DNA2: variants seen among roughly 807,000 people sequenced by gnomAD.
DNA2 encodes the protein DNA replication helicase/nuclease 2, also known as DNA replication ATP-dependent helicase/nuclease DNA2.
Under a neutral mutation model 119.1 loss-of-function variants are expected in DNA2, and 101 were observed. The ratio of observed to expected loss-of-function variants is 0.85; its 90% confidence interval spans 0.72 to 1.00. DNA2 has a LOEUF of 1.00. Ranked by LOEUF, DNA2 falls within the 50% of genes least tolerant of loss-of-function variation. The probability of loss-of-function intolerance (pLI) is 0.00; values close to 1 mark genes in which losing one functional copy is unlikely to be tolerated. For synonymous variants in DNA2, 366 were observed against 424.4 expected (o/e 0.86, Z 1.69); for missense variants, 1,121 against 1,255.5 (o/e 0.89, Z 1.62).
chr10:68,422,167 G>A (rs1280464516), intron 17 of DNA2, 58 bp downstream of exon 17: 5 of 1,371,736 alleles, frequency 3.6e-6, no homozygotes, highest in Non-Finnish European at 4.9e-6. Flanking sequence ...AATGAAAACT[G>A]AGAAATTTAA....
chr10:68,438,258 G>C (rs577694315), intron 9 of DNA2, among the ~76,000 whole-genome samples: 1 of 152,116 alleles, frequency 6.6e-6, no homozygotes, highest in Non-Finnish European at 1.5e-5. Context: ...GGTGGCTCAC[G>C]CCTGTAACCC....
chr10:68,423,446 G>T (rs2051693397), intron 14 of DNA2, among the ~76,000 whole-genome samples: 1 of 152,162 alleles, frequency 6.6e-6, no homozygotes, highest in African/African-American at 2.4e-5. Flanking sequence ...ACACCAGTGG[G>T]TGCTAAAAAC....
chr10:68,464,553 G>T (rs10998202), intron 4 of DNA2, among the ~76,000 whole-genome samples: 22,744 of 151,744 alleles, frequency 0.15, 1,857 homozygotes, highest in East Asian at 0.25. Context: ...GGTAAGGTAG[G>T]CCGGGCGCAG....
At chr10:68,423,298 A>C (rs2051691549) in intron 14 of DNA2, among the ~76,000 whole-genome samples, 3 of 150,606 alleles carry the variant, frequency 2.0e-5, no homozygotes, top group South Asian at 4.2e-4. Context: ...AAAAAAAAAA[A>C]CAAAAGAAGA....
At chr10:68,423,337 G>T (rs978022953) in intron 14 of DNA2, among the ~76,000 whole-genome samples, 1 of 151,764 alleles carries the variant, frequency 6.6e-6, no homozygotes, top group Non-Finnish European at 1.5e-5. Context: ...AGGCAGACCA[G>T]CTAGGGAGCT....
At chr10:68,457,295 T>C (rs10998194) in intron 5 of DNA2, among the ~76,000 whole-genome samples, 13,640 of 152,226 alleles carry the variant, frequency 0.09, 937 homozygotes, top group South Asian at 0.25. Context: ...TTCGCTGAGA[T>C]ACTGCACACA....
intron 4 of DNA2, among the ~76,000 whole-genome samples, chr10:68,463,461 A>C (rs2052286874): frequency 6.7e-6 from 1 of 150,234 alleles, no homozygotes; most frequent in Non-Finnish European, 1.5e-5. Flanking sequence ...AAAAAAAAAA[A>C]AGATGTAAAG....
chr10:68,471,504 T>C (rs558211955), intron 1 of DNA2, among the ~76,000 whole-genome samples: 66 of 152,218 alleles, frequency 4.3e-4, no homozygotes, highest in African/African-American at 1.5e-3. Flanking sequence ...TTTCCTATTA[T>C]AAAAACATTC....
intron 14 of DNA2, among the ~76,000 whole-genome samples, chr10:68,427,649 A>AC (rs2051760287): frequency 7.1e-6 from 1 of 140,060 alleles, no homozygotes; most frequent in African/African-American, 3.3e-5. Flanking sequence ...ACCTTGTCTC[A>AC]AACACACACA....
intron 4 of DNA2, among the ~76,000 whole-genome samples, chr10:68,460,293 G>C (rs762667813): frequency 1.3e-5 from 2 of 151,920 alleles, no homozygotes; most frequent in Non-Finnish European, 2.9e-5. Context: ...ATTTTCAGTA[G>C]AGATTGGGTT....
intron 12 of DNA2, 107 bp from the exon 13 acceptor site, chr10:68,432,078 A>G: frequency 8.7e-7 from 1 of 1,143,086 alleles, no homozygotes; most frequent in South Asian, 1.4e-5. Context: ...TCTTCAATAC[A>G]AAACCATTTC....
Position 68,465,018 on chromosome 10 carries a change from ATT to A in DNA2, c.587+647_587+648del, listed in dbSNP as rs200815175. On this transcript the variant is annotated intron_variant, in intron 4 of 20. Transcript: ENST00000358410. ...CAAAAAAAAAATACTGTAAAGCTGC[ATT>A]TTTTTTTTTTTTTTTTGAGATGGAG... Among the ~76,000 whole-genome samples, 285 of 126,764 alleles carry A rather than the reference ATT, an allele frequency of 2.2e-3. 2 individuals are homozygous for A. Among genetic ancestry groups the A allele is most frequent in the African/African-American group, 7.8e-3 (256 of 32,726 alleles). 83.2% of individuals were successfully genotyped at this position (126,764 alleles called of 152,430 possible). A position where few individuals can be genotyped will look rare whatever the true frequency, so the allele number is the denominator to read the frequency against.
chr10:68,424,977 A>C (rs1327725024), intron 14 of DNA2: 1 of 597,598 alleles, frequency 1.7e-6, no homozygotes, highest in Non-Finnish European at 3.1e-6. Context: ...GGAGGAACTT[A>C]TTGAGAAAAT....
chr10:68,437,481 A>AT (rs2051905234), intron 9 of DNA2, among the ~76,000 whole-genome samples: 2 of 148,018 alleles, frequency 1.4e-5, no homozygotes, highest in East Asian at 1.9e-4. Flanking sequence ...TACTAAAAAA[A>AT]AAAAAATAAA....
chr10:68,430,777 A>C, intron 13 of DNA2, 117 bp from the exon 14 acceptor site: 1 of 777,908 alleles, frequency 1.3e-6, no homozygotes, highest in Non-Finnish European at 2.0e-6. Context: ...AGTAAAAATT[A>C]TGAAGCCAAA....
Position 68,445,067 on chromosome 10 carries a change from T to C in DNA2, c.1074A>G (p.Arg358=), listed in dbSNP as rs1214939066. 1 of 1,601,982 alleles carries C rather than the reference T, an allele frequency of 6.2e-7. No individual in the cohort carries two copies. The highest frequency in any genetic ancestry group is 2.2e-5 in the East Asian group (1 of 44,680). ...GAAACAATGAGAATGCCATCTGGTTTCTTAGCTTTAATAATTCTATGAAAA... is the reference window on the plus strand; with the variant it reads ...GAAACAATGAGAATGCCATCTGGTTCCTTAGCTTTAATAATTCTATGAAAA... ...HLDKRELLKL[R]NQMAFSLFHR... The change falls in exon 8 of 21, where the codon AGA becomes AGG. Residue 358 remains arginine, a synonymous_variant. Transcript: ENST00000358410.
intron 17 of DNA2, 56 bp from the exon 18 acceptor site, chr10:68,419,948 G>A: frequency 7.0e-7 from 1 of 1,426,224 alleles, no homozygotes; most frequent in South Asian, 1.2e-5. Flanking sequence ...AGTACTATAA[G>A]TACGCAACTG....
intron 14 of DNA2, among the ~76,000 whole-genome samples, chr10:68,425,261 A>T (rs2051723792): frequency 1.3e-5 from 2 of 150,582 alleles, no homozygotes; most frequent in Non-Finnish European, 3.0e-5. Flanking sequence ...TGCCCAGCTA[A>T]TTTTTTGTAT....
rs546462045 is a variant in DNA2, at chr10:68,450,607, T to G, written c.720-360A>C. Reference sequence around the variant, plus strand: ...AGTCTTTCTTGGTATTTATCATCTGTTCCTTTCAGTCATTCCTACTATAAT... The same window carrying G: ...AGTCTTTCTTGGTATTTATCATCTGGTCCTTTCAGTCATTCCTACTATAAT... On this transcript the variant is annotated intron_variant, in intron 5 of 20. Transcript: ENST00000358410. Among the ~76,000 whole-genome samples the G allele has an allele frequency of 1.0e-3, 156 of 152,322 alleles. 1 individual carries two copies. The highest frequency in any genetic ancestry group is 3.4e-3 in the African/African-American group (140 of 41,570).
Sources: gnomAD v4.1 joint callset for allele counts (sites outside exome capture counted in the v4.1 genomes callset) on GRCh38, gnomAD v4.1.1 for gene constraint, MANE v1.5 for transcripts, NCBI Gene and HGNC (gene_info 2026-07-23, HGNC 2026-07-21) for gene names.